Variants in GRID2 observed in about 807,000 individuals in gnomAD.
The protein encoded by GRID2 is glutamate ionotropic receptor delta type subunit 2, also known as glutamate receptor ionotropic, delta-2.
GRID2 carries 33 observed loss-of-function variants against 114.8 expected under a neutral mutation model. The observed-to-expected ratio is 0.29, with a 90% CI of 0.22 to 0.38. GRID2 has a LOEUF of 0.38. Among genes scored for constraint, GRID2 ranks in the 10% least tolerant of loss-of-function variants. GRID2 has a pLI of 1.00. For missense variants in GRID2, 1,184 were observed against 1,257.7 expected (o/e 0.94, Z 0.89); for synonymous variants, 505 against 449.9 (o/e 1.12, Z -1.55).
chr4:93,519,854 T>C (rs1271657267), intron 13 of GRID2, among the ~76,000 whole-genome samples: 1 of 151,966 alleles, frequency 6.6e-6, no homozygotes, highest in African/African-American at 2.4e-5. Flanking sequence ...TCCACAGAAG[T>C]CCAAGAGCAA....
intron 2 of GRID2, among the ~76,000 whole-genome samples, chr4:92,713,519 T>TATATATATATATATATATA (rs1464081862): frequency 2.5e-5 from 2 of 81,342 alleles, no homozygotes; most frequent in African/African-American, 4.5e-5. Context: ...ATATATATAT[T>TATATATATATATATATATA]ACCAAAATTA....
At chr4:92,647,214 G>A (rs1274326455) in intron 2 of GRID2, among the ~76,000 whole-genome samples, 1 of 152,146 alleles carries the variant, frequency 6.6e-6, no homozygotes, top group South Asian at 2.1e-4. Flanking sequence ...ATAGGGTTAT[G>A]GGGATTAAAT....
chr4:93,579,959 T>G (rs1736799578), intron 13 of GRID2, among the ~76,000 whole-genome samples: 1 of 152,196 alleles, frequency 6.6e-6, no homozygotes, highest in South Asian at 2.1e-4. Context: ...TCTCCAATGC[T>G]CTGATCTATG....
At chr4:93,692,204 TG>T (rs149926702) in intron 14 of GRID2, among the ~76,000 whole-genome samples, 1 of 151,812 alleles carries the variant, frequency 6.6e-6, no homozygotes, top group East Asian at 1.9e-4. Context: ...AGATAAAAAT[TG>T]GGGGGGTTGC....
chr4:92,855,882 G>T lies in GRID2; in HGVS notation c.245-229113G>T, dbSNP rs182154094. On this transcript the variant is annotated intron_variant, in intron 2 of 15. Transcript: ENST00000282020. ...CTTTCTAATTTTAAATATAGGAAAG[G>T]TGAAATGATTGTTTTCACTCATTGT... Among the ~76,000 whole-genome samples the T allele has an allele frequency of 3.3e-5, 5 of 152,074 alleles. No individual in the cohort carries two copies. In the East Asian group the frequency reaches 7.7e-4, roughly 23 times the overall value.
intron 1 of GRID2, among the ~76,000 whole-genome samples, chr4:92,437,923 CT>C (rs1274217630): frequency 2.0e-5 from 3 of 152,166 alleles, no homozygotes; most frequent in Non-Finnish European, 4.4e-5. Flanking sequence ...TCCATACAGT[CT>C]TTCTTTGAAC....
At chr4:92,667,750 A>G (rs1732859994) in intron 2 of GRID2, among the ~76,000 whole-genome samples, 1 of 151,742 alleles carries the variant, frequency 6.6e-6, no homozygotes, top group Admixed American at 6.6e-5. Flanking sequence ...GTGTTGGAAT[A>G]AAAATTTTTA....
chr4:93,439,323 G>T (rs1278270065), intron 10 of GRID2, among the ~76,000 whole-genome samples: 2 of 152,060 alleles, frequency 1.3e-5, no homozygotes, highest in African/African-American at 2.4e-5. Flanking sequence ...AGAAGGAAGG[G>T]TTGAGACTTG....
intron 1 of GRID2, among the ~76,000 whole-genome samples, chr4:93,799,327 A>C (rs1378987890): frequency 6.6e-6 from 1 of 152,200 alleles, no homozygotes; most frequent in African/African-American, 2.4e-5. Context: ...ACAAATATTA[A>C]AAACTCTCCA....
At chr4:92,663,174 G>A (rs564043201) in intron 2 of GRID2, among the ~76,000 whole-genome samples, 1 of 151,048 alleles carries the variant, frequency 6.6e-6, no homozygotes, top group Non-Finnish European at 1.5e-5. Flanking sequence ...AGAAACACCA[G>A]CCTCTTGATG....
intron 2 of GRID2, among the ~76,000 whole-genome samples, chr4:92,906,821 G>T (rs1257142711): frequency 6.6e-6 from 1 of 151,940 alleles, no homozygotes; most frequent in Non-Finnish European, 1.5e-5. Flanking sequence ...AAATCCTCTG[G>T]TGTTTTATTT....
chr4:93,433,902 C>T (rs1001799615), intron 10 of GRID2, among the ~76,000 whole-genome samples: 2 of 152,150 alleles, frequency 1.3e-5, no homozygotes, highest in Non-Finnish European at 2.9e-5. Flanking sequence ...TGGTTTACTG[C>T]AAAAGCTGTG....
At chr4:92,575,491 G>T (rs556207498) in intron 1 of GRID2, among the ~76,000 whole-genome samples, 6 of 152,180 alleles carry the variant, frequency 3.9e-5, no homozygotes, top group Admixed American at 2.0e-4. Context: ...TTTTCGATGG[G>T]TTTTTTTGTG....
At chr4:92,676,170 C>T (rs10856896) in intron 2 of GRID2, among the ~76,000 whole-genome samples, 2,182 of 49,732 alleles carry the variant, frequency 0.044, 75 homozygotes, top group East Asian at 0.13. Flanking sequence ...CCCCCCCCCC[C>T]TTTTTTTTTT....
chr4:92,841,156 A>G lies in GRID2; in HGVS notation c.245-243839A>G, dbSNP rs76038300. On this transcript the variant is annotated intron_variant, in intron 2 of 15. Coordinates refer to ENST00000282020, the MANE Select transcript of GRID2 (RefSeq NM_001510.4). ...CTGTACTAGTAATTGCTTTCACCAC[A>G]TAATAGAACAAGTTAATTGCAAAAT... Among the ~76,000 whole-genome samples, 98 of 152,186 alleles carry G rather than the reference A, an allele frequency of 6.4e-4. 1 individual carries two copies. The East Asian group carries it at 0.017, about 26-fold the overall frequency.
chr4:92,913,072 A>C (rs1748507093), intron 2 of GRID2, among the ~76,000 whole-genome samples: 1 of 151,916 alleles, frequency 6.6e-6, no homozygotes, highest in Non-Finnish European at 1.5e-5. Flanking sequence ...TTGATGGTGA[A>C]TAATCATCAA....
chr4:92,903,411 C>T (rs747439602), intron 2 of GRID2, among the ~76,000 whole-genome samples: 2 of 151,922 alleles, frequency 1.3e-5, no homozygotes, highest in Non-Finnish European at 2.9e-5. Flanking sequence ...CTCCTGTGCA[C>T]ATTTCTCTTT....
rs972527162 is a variant in GRID2 at position 92,619,381 on chromosome 4, G to A, written c.244+29095G>A. On this transcript the variant is annotated intron_variant, in intron 2 of 15. Coordinates refer to ENST00000282020, the MANE Select transcript of GRID2 (RefSeq NM_001510.4). ...ATATATGCAGCTTCCCAGACCAGGA[G>A]GGGCTTATAGAGTTTATCAAGGACC... Among the ~76,000 whole-genome samples the A allele has an allele frequency of 2.6e-5, 4 of 151,784 alleles. No individual in the cohort carries two copies. In the South Asian group the frequency reaches 8.3e-4, roughly 32 times the overall value.
At chr4:92,400,321 C>T (rs927927884) in intron 1 of GRID2, among the ~76,000 whole-genome samples, 1 of 152,144 alleles carries the variant, frequency 6.6e-6, no homozygotes, top group African/African-American at 2.4e-5. Flanking sequence ...TATGCATTTG[C>T]TTACTCTGGA....
Sources: gnomAD v4.1 joint callset for allele counts (sites outside exome capture counted in the v4.1 genomes callset) on GRCh38, gnomAD v4.1.1 for gene constraint, MANE v1.5 for transcripts, NCBI Gene and HGNC (gene_info 2026-07-23, HGNC 2026-07-21) for gene names.